The following GALNT13 variants were observed in gnomAD, a reference collection of about 807,000 sequenced individuals.
GALNT13 encodes the protein UDP-GalNAc:polypeptide N-acetylgalactosaminyltransferase 13.
A neutral mutation model predicts 64.2 loss-of-function variants in GALNT13; 28 were observed. The ratio of observed to expected loss-of-function variants is 0.44; its 90% CI spans 0.32 to 0.60. The LOEUF is 0.60. Among genes scored for constraint, GALNT13 ranks in the 20% least tolerant of loss-of-function variants. The probability of loss-of-function intolerance (pLI) is 0.05; values close to 1 mark genes in which losing one functional copy is unlikely to be tolerated. For synonymous variants in GALNT13, 214 were observed against 224.6 expected, an observed-to-expected ratio of 0.95 and a Z score of 0.42; for missense variants, 577 against 669.8, an observed-to-expected ratio of 0.86 and a Z score of 1.53.
At chr2:153,957,495 G>T (rs1378108600) in intron 3 of GALNT13, among the ~76,000 whole-genome samples, 1 of 152,174 alleles carries the variant, frequency 6.6e-6, no homozygotes, top group Non-Finnish European at 1.5e-5. Flanking sequence ...CAGTTTGTGG[G>T]GGCTAGTAGA....
chr2:153,958,084 G>C (rs900843808), intron 3 of GALNT13, among the ~76,000 whole-genome samples: 1 of 152,176 alleles, frequency 6.6e-6, no homozygotes, highest in East Asian at 1.9e-4. Context: ...GCTGGTATGG[G>C]GCTGACTCCT....
At chr2:153,177,760 G>C in the GALNT13 span, among the ~76,000 whole-genome samples, 1 of 152,146 alleles carries the variant, frequency 6.6e-6, no homozygotes, top group Admixed American at 6.5e-5. Context: ...TTTAAAGTGT[G>C]TACTACATTA....
At chr2:153,981,807 G>A (rs1694485610) in intron 3 of GALNT13, among the ~76,000 whole-genome samples, 1 of 151,880 alleles carries the variant, frequency 6.6e-6, no homozygotes, top group Non-Finnish European at 1.5e-5. Flanking sequence ...TCTAGCTCAT[G>A]GTATACAGAT....
the GALNT13 span, among the ~76,000 whole-genome samples, chr2:153,674,776 G>C: frequency 7.9e-3 from 1,207 of 151,976 alleles, 18 homozygotes; most frequent in African/African-American, 0.027. Flanking sequence ...CTACAGAATG[G>C]GAGAAAAATT....
At chr2:154,263,980 G>A (rs1020301098) in intron 8 of GALNT13, among the ~76,000 whole-genome samples, 1 of 152,180 alleles carries the variant, frequency 6.6e-6, no homozygotes, top group Non-Finnish European at 1.5e-5. Context: ...AAGTTTCTAG[G>A]CCTTAGTGAT....
intron 9 of GALNT13, among the ~76,000 whole-genome samples, chr2:154,336,240 A>G (rs564326305): frequency 6.2e-4 from 95 of 152,136 alleles, no homozygotes; most frequent in Non-Finnish European, 1.2e-3. Context: ...GATATTTTAA[A>G]TAATCATTGC....
intron 9 of GALNT13, among the ~76,000 whole-genome samples, chr2:154,332,032 A>G (rs1173194003): frequency 3.3e-5 from 5 of 152,114 alleles, no homozygotes; most frequent in Non-Finnish European, 5.9e-5. Flanking sequence ...TACTGGGTTG[A>G]ATAATTTACA....
intron 9 of GALNT13, among the ~76,000 whole-genome samples, chr2:154,387,048 A>C (rs1215191765): frequency 6.6e-6 from 1 of 152,152 alleles, no homozygotes; most frequent in Non-Finnish European, 1.5e-5. Context: ...TGGTAATAAT[A>C]GTAAATGATA....
intron 4 of GALNT13, among the ~76,000 whole-genome samples, chr2:154,165,462 A>G (rs1684974079): frequency 6.6e-6 from 1 of 152,170 alleles, no homozygotes; most frequent in Admixed American, 6.6e-5. Context: ...CAGCCTCATT[A>G]TATTATCAAA....
chr2:153,466,392 G>A, the GALNT13 span, among the ~76,000 whole-genome samples: 3 of 151,406 alleles, frequency 2.0e-5, no homozygotes, highest in African/African-American at 7.3e-5. Flanking sequence ...GGTAAATACT[G>A]CCAACTCTTT....
the GALNT13 span, among the ~76,000 whole-genome samples, chr2:153,732,398 T>TTA: frequency 6.6e-6 from 1 of 152,106 alleles, no homozygotes; most frequent in Admixed American, 6.6e-5. Context: ...GAACAGAACA[T>TTA]TATATATTAT....
At chr2:153,326,839 A>G in the GALNT13 span, among the ~76,000 whole-genome samples, 1 of 152,218 alleles carries the variant, frequency 6.6e-6, no homozygotes, top group Non-Finnish European at 1.5e-5. Flanking sequence ...TAATCCCAAC[A>G]CTTTGGGAGG....
At chr2:153,769,197 T>G in the GALNT13 span, among the ~76,000 whole-genome samples, 5 of 152,218 alleles carry the variant, frequency 3.3e-5, no homozygotes, top group Non-Finnish European at 7.3e-5. Flanking sequence ...ATTTGTAATT[T>G]TTGTACTTAA....
At chr2:154,031,111 A>C (rs1355263404) in intron 3 of GALNT13, among the ~76,000 whole-genome samples, 1 of 152,214 alleles carries the variant, frequency 6.6e-6, no homozygotes, top group Non-Finnish European at 1.5e-5. Flanking sequence ...TAAAAATAAA[A>C]TATGTGACAA....
At chr2:154,410,016 C>T (rs1699723928) in intron 11 of GALNT13, among the ~76,000 whole-genome samples, 1 of 151,810 alleles carries the variant, frequency 6.6e-6, no homozygotes, top group African/African-American at 2.4e-5. Flanking sequence ...AAGTTTCTCC[C>T]TTAAAAATTC....
chr2:153,905,206 T>C (rs1376423880), intron 2 of GALNT13, among the ~76,000 whole-genome samples: 1 of 151,976 alleles, frequency 6.6e-6, no homozygotes. Context: ...GCATTCAATC[T>C]ATTGTTAAGT....
the GALNT13 span, among the ~76,000 whole-genome samples, chr2:153,483,845 A>G: frequency 6.6e-6 from 1 of 152,200 alleles, no homozygotes; most frequent in African/African-American, 2.4e-5. Flanking sequence ...TAGACTAGCC[A>G]AATTCAGAAA....
the GALNT13 span, among the ~76,000 whole-genome samples, chr2:153,309,935 C>A: frequency 6.6e-6 from 1 of 151,712 alleles, no homozygotes; most frequent in Non-Finnish European, 1.5e-5. Context: ...TCTAGGCTAT[C>A]AAAAAAAACT....
At chr2:154,354,405 C>CTTTTTTTTTTTTTTTTTTTT (rs546187850) in intron 9 of GALNT13, among the ~76,000 whole-genome samples, 1 of 60,360 alleles carries the variant, frequency 1.7e-5, no homozygotes, top group African/African-American at 6.9e-5. Context: ...TGATGTAGTC[C>CTTTTTTTTTTTTTTTTTTTT]TTTTTTTTTT....
Sources: allele counts gnomAD v4.1 joint callset (sites outside exome capture counted in the v4.1 genomes callset), GRCh38; gene constraint gnomAD v4.1.1; transcripts MANE v1.5; gene names NCBI Gene and HGNC (gene_info 2026-07-23, HGNC 2026-07-21).